The following PDGFRB variants were observed in gnomAD, a reference collection of about 807,000 sequenced individuals.
PDGFRB encodes platelet-derived growth factor receptor beta.
In PDGFRB, 42 loss-of-function variants were observed where a neutral mutation model predicts 120.2. The observed-to-expected ratio is 0.35, with a 90% CI of 0.27 to 0.45. PDGFRB has a LOEUF of 0.45. PDGFRB is among the 20% of genes least tolerant of loss of function. The pLI, the probability that PDGFRB is intolerant of heterozygous loss-of-function variation, is 1.00. For synonymous variants in PDGFRB, 586 were observed against 606.8 expected, an observed-to-expected ratio of 0.97 and a Z score of 0.50; for missense variants, 1,149 against 1,476.3, an observed-to-expected ratio of 0.78 and a Z score of 3.63.
rs184276078 is a variant in PDGFRB, at chr5:150,119,888, C to T, written c.2698+124G>A. ...ACACAGCAGGGAGAAGGTAGCAGAG[C>T]TGGGACCTGAACCAGGATCCCTGTA... On this transcript the variant is annotated intron_variant, in intron 19 of 22. Transcript: ENST00000261799. 2.6e-4 allele frequency: 178 copies of T among 693,000 alleles called. No homozygotes were observed. The East Asian group carries it at 4.6e-3, about 18-fold the overall frequency. The allele number at this position is 693,000 out of a possible 1,614,324, so 42.9% of individuals were successfully genotyped here. A position where few individuals can be genotyped will look rare whatever the true frequency, so the allele number is the denominator to read the frequency against.
Position 150,120,823 on chromosome 5 carries a change from A to T in PDGFRB, c.2586+65T>A. On this transcript the variant is annotated intron_variant, in intron 18 of 22. Transcript: ENST00000261799. This position sits in a 1 kb window ranked among gnomAD's most constrained non-coding sequence, Gnocchi z 4.3. ...ATGAGCTGCAGCCACACTGGTCAGG[A>T]GGGAATCTGTTCCTGCGGTCACAGG... The T allele has an allele frequency of 1.3e-6, 2 of 1,503,728 alleles. No individual in the cohort carries two copies. The highest frequency in any genetic ancestry group is 9.2e-7 in the Non-Finnish European group (1 of 1,082,800). 93.1% of individuals were successfully genotyped at this position (1,503,728 alleles called of 1,614,324 possible). A position where few individuals can be genotyped will look rare whatever the true frequency, so the allele number is the denominator to read the frequency against.
chr5:150,143,314 C>A (rs925278981), intron 1 of PDGFRB, among the ~76,000 whole-genome samples: 2 of 152,244 alleles, frequency 1.3e-5, no homozygotes, highest in Non-Finnish European at 2.9e-5. Context: ...AGTCCTGACC[C>A]TCTCTGAGCC....
In PDGFRB at chr5:150,135,045, A is replaced by G. The variant is rs201700514; in HGVS notation, c.365-29T>C. Reference sequence around the variant, plus strand: ...CCAGGAGTGGAGCCGTGAATAAATCAGGGGAACTGGGTTTCTGGCCATCCC... The same window carrying G: ...CCAGGAGTGGAGCCGTGAATAAATCGGGGGAACTGGGTTTCTGGCCATCCC... On this transcript the variant is annotated intron_variant, in intron 3 of 22. Coordinates refer to ENST00000261799, the MANE Select transcript of PDGFRB (RefSeq NM_002609.4). 528 of 1,244,038 alleles carry G rather than the reference A, an allele frequency of 4.2e-4. 4 individuals are homozygous for G. In the African/African-American group the frequency reaches 7.2e-3, roughly 17 times the overall value. The allele number at this position is 1,244,038 out of a possible 1,614,324, so 77.1% of individuals were successfully genotyped here. A position where few individuals can be genotyped will look rare whatever the true frequency, so the allele number is the denominator to read the frequency against.
At position 150,144,032 on chromosome 5, in the gene PDGFRB, G is replaced by A. The variant is rs190342984; in HGVS notation, c.-6-6979C>T. On this transcript the variant is annotated intron_variant, in intron 1 of 22. Coordinates refer to ENST00000261799, the MANE Select transcript of PDGFRB (RefSeq NM_002609.4). ...TCCCCTGAACAAAGCAGCAGAAATC[G>A]ACTAAGATGGGGCCTGGCGTGTGCT... 2.0e-4 allele frequency among the ~76,000 whole-genome samples: 30 copies of A among 152,010 alleles called. No homozygotes were observed. In the East Asian group the frequency reaches 4.9e-3, roughly 25 times the overall value.
intron 1 of PDGFRB, among the ~76,000 whole-genome samples, chr5:150,150,947 G>T (rs562167200): frequency 3.3e-5 from 5 of 152,238 alleles, no homozygotes; most frequent in African/African-American, 1.2e-4. Context: ...GACCCTCCCT[G>T]CTCAGTATCT....
chr5:150,135,902 A>C (rs376385743), intron 2 of PDGFRB, 24 bp from the exon 3 acceptor site: 2 of 1,494,870 alleles, frequency 1.3e-6, no homozygotes, highest in Non-Finnish European at 1.8e-6. Flanking sequence ...GGTATCAGAC[A>C]TCAGGAAACA....
chr5:150,125,738 T>C (rs1475098312), intron 11 of PDGFRB, among the ~76,000 whole-genome samples, 161 bp from the exon 12 acceptor site: 1 of 152,086 alleles, frequency 6.6e-6, no homozygotes. Context: ...TGAGCCAAGG[T>C]CTTCGTGGGC....
chr5:150,146,115 C>T (rs1470616759), intron 1 of PDGFRB, among the ~76,000 whole-genome samples: 1 of 152,196 alleles, frequency 6.6e-6, no homozygotes, highest in Non-Finnish European at 1.5e-5. Context: ...GCTCTCACCA[C>T]CTCACCTGTG....
At position 150,121,920 on chromosome 5, in the gene PDGFRB, G is replaced by A. The variant is rs749503562; in HGVS notation, c.2304C>T (p.Ser768=). The stretch of plus-strand genomic sequence containing the variant: ...TATCGTAAGGGGCCATGTAGTTGGA[G>A]GACTCGATGTCTGCATATTTGACGT... The part of the protein sequence containing the change: ...KGDVKYADIE[S]SNYMAPYDNY... Residue 768 remains serine (S), a synonymous_variant, in exon 16 of 23, where the codon TCC becomes TCT. Transcript: ENST00000261799. This position sits in a 1 kb window ranked among gnomAD's most constrained non-coding sequence, Gnocchi z 4.1. 9 of 1,613,450 alleles carry A rather than the reference G, an allele frequency of 5.6e-6. No individual in the cohort carries two copies. In the East Asian group the frequency reaches 1.6e-4, roughly 28 times the overall value.
chr5:150,132,974 TGGGG>T lies in PDGFRB; in HGVS notation c.935-36_935-33del. On this transcript the variant is annotated intron_variant, in intron 6 of 22. Coordinates refer to ENST00000261799, the MANE Select transcript of PDGFRB (RefSeq NM_002609.4). The surrounding 1 kb of genome is among the most constrained non-coding windows in gnomAD (Gnocchi z 5.0). ...GGGGTGACCGTCAGGGGCGGGGCCC[TGGGG>T]GCAGGGCACCAACTGAATCCCAAAG... 1.3e-6 allele frequency: 2 copies of T among 1,490,182 alleles called. No homozygotes were observed. The highest frequency in any genetic ancestry group is 1.8e-6 in the Non-Finnish European group (2 of 1,098,870). 92.3% of individuals were successfully genotyped at this position (1,490,182 alleles called of 1,614,324 possible). A position where few individuals can be genotyped will look rare whatever the true frequency, so the allele number is the denominator to read the frequency against.
chr5:150,117,543 CG>C lies in PDGFRB; in HGVS notation c.3137+74del, dbSNP rs1759989762. On this transcript the variant is annotated intron_variant, in intron 22 of 22. Coordinates refer to ENST00000261799, the MANE Select transcript of PDGFRB (RefSeq NM_002609.4). ...AAACCTGGCAGCGCGCGCGCGCGCGCGCACACACACACACACACACACACAC... is the reference window on the plus strand; with the variant it reads ...AAACCTGGCAGCGCGCGCGCGCGCGCCACACACACACACACACACACACAC... 11 of 451,866 alleles carry C rather than the reference CG, an allele frequency of 2.4e-5. No homozygotes were observed. The African/African-American group carries it at 8.4e-4, about 34-fold the overall frequency. 28.0% of individuals were successfully genotyped at this position (451,866 alleles called of 1,614,324 possible).
chr5:150,129,789 T>C lies in PDGFRB; in HGVS notation c.1547A>G (p.Gln516Arg), dbSNP rs912590640. The change falls in exon 10 of 23, where the codon CAG (glutamine) becomes CGG (arginine). Residue 516 changes from glutamine (Q) to arginine (R), a missense_variant. By Grantham distance (43) the Gln-to-Arg change is conservative. Around this residue, in one of 3 missense-constraint regions of PDGFRB, gnomAD observed 879 missense variants for 1,108.6 expected, o/e 0.79. Transcript: ENST00000261799. ...VRCTLRNAVG[Q>R]DTQEVIVVPH... ...CACCACGATGACCTCCTGCGTGTCC[T>C]GGCCCACAGCGTTGCGCAGCGTGCA... 6.2e-7 allele frequency: 1 copy of C among 1,613,912 alleles called. No homozygotes were observed. Among genetic ancestry groups the C allele is most frequent in the Non-Finnish European group, 8.5e-7 (1 of 1,180,002 alleles).
At chr5:150,142,781 C>T (rs1328985938) in intron 1 of PDGFRB, among the ~76,000 whole-genome samples, 4 of 152,042 alleles carry the variant, frequency 2.6e-5, no homozygotes, top group African/African-American at 9.7e-5. Context: ...AAGAGATGAA[C>T]AACAATAATA....
At chr5:150,142,752 T>G (rs776130565) in intron 1 of PDGFRB, among the ~76,000 whole-genome samples, 1 of 152,232 alleles carries the variant, frequency 6.6e-6, no homozygotes, top group African/African-American at 2.4e-5. Flanking sequence ...TAAAGTTTTA[T>G]TTATAAATAA....
Position 150,113,984 on chromosome 5 carries a change from G to T in PDGFRB, c.*1779C>A, listed in dbSNP as rs1581362052. 4.7e-5 allele frequency: 11 copies of T among 233,548 alleles called. No individual in the cohort carries two copies. The East Asian group carries it at 6.6e-4, about 14-fold the overall frequency. 14.5% of individuals were successfully genotyped at this position (233,548 alleles called of 1,614,324 possible). On this transcript the variant is annotated 3_prime_UTR_variant, in exon 23 of 23. Transcript: ENST00000261799. ...GTCCTAAAAATATTTGTAAACCTAG[G>T]TGATTATATCTTTGGTACCGTATTG...
intron 10 of PDGFRB, among the ~76,000 whole-genome samples, chr5:150,128,478 C>T (rs752639427): frequency 4.6e-5 from 7 of 152,308 alleles, no homozygotes; most frequent in East Asian, 1.9e-4. Context: ...CTAGATCTGC[C>T]GACCCCTGTA....
chr5:150,134,839 C>G lies in PDGFRB; in HGVS notation c.542G>C (p.Gly181Ala), dbSNP rs771234317. The change falls in exon 4 of 23, where the codon GGT becomes GCT. Residue 181 changes from glycine (G) to alanine (A), a missense_variant. Gly to Ala is a moderately conservative substitution (Grantham distance 60, BLOSUM62 0). Transcript: ENST00000261799. ...GATGTAGCTTCTGTCCTCAAAGATA[C>G]CAGAAAAGCCACGTTGGTGATCATA... ...VPYDHQRGFS[G>A]IFEDRSYICK... 14 of 1,614,056 alleles carry G rather than the reference C, an allele frequency of 8.7e-6. No homozygotes were observed. The highest frequency in any genetic ancestry group is 1.7e-5 in the Admixed American group (1 of 60,000).
chr5:150,154,108 C>T (rs140840046), intron 1 of PDGFRB, among the ~76,000 whole-genome samples: 76 of 152,188 alleles, frequency 5.0e-4, no homozygotes, highest in African/African-American at 1.8e-3. Flanking sequence ...AACATGGCTT[C>T]AGCACAAAGT....
chr5:150,114,773 G>A lies in PDGFRB; in HGVS notation c.*990C>T. The A allele has an allele frequency of 4.3e-6, 1 of 233,616 alleles. No individual in the cohort carries two copies. The highest frequency in any genetic ancestry group is 6.0e-5 in the East Asian group (1 of 16,568). The allele number at this position is 233,616 out of a possible 1,614,324, so 14.5% of individuals were successfully genotyped here. A position where few individuals can be genotyped will look rare whatever the true frequency, so the allele number is the denominator to read the frequency against. ...ACCTGGAATACTCTAGAATGTTAGT[G>A]CTGGCAAGGCACTCAGAGTTAATAA... On this transcript the variant is annotated 3_prime_UTR_variant, in exon 23 of 23. Transcript: ENST00000261799.
Sources: allele counts gnomAD v4.1 joint callset (sites outside exome capture counted in the v4.1 genomes callset), GRCh38; gene constraint gnomAD v4.1.1; regional missense constraint gnomAD v4.1.1; non-coding constraint Gnocchi (gnomAD v3.1); transcripts MANE v1.5; gene names NCBI Gene and HGNC (gene_info 2026-07-23, HGNC 2026-07-21).